The following LNPK variants were observed in gnomAD, a reference collection of about 807,000 sequenced individuals.
The protein encoded by LNPK is endoplasmic reticulum junction formation protein lunapark.
Under a neutral mutation model 55.2 loss-of-function variants are expected in LNPK, and 29 were observed. The observed-to-expected ratio is 0.53, with a 90% CI of 0.39 to 0.72. LNPK has a LOEUF of 0.72. Ranked by LOEUF, LNPK falls within the 30% of genes least tolerant of loss-of-function variation. LNPK has a pLI of 0.00. For missense variants in LNPK, 467 were observed against 494.8 expected (o/e 0.94, Z 0.53); for synonymous variants, 162 against 168.2 (o/e 0.96, Z 0.29).
At chr2:175,952,713 T>C (rs1030399738) in intron 8 of LNPK, among the ~76,000 whole-genome samples, 14 of 151,906 alleles carry the variant, frequency 9.2e-5, no homozygotes, top group African/African-American at 3.4e-4. Flanking sequence ...AAAAAAAAAC[T>C]TCTCTGCATT....
At chr2:176,000,910 T>G (rs1237268125) in intron 1 of LNPK, among the ~76,000 whole-genome samples, 1 of 152,206 alleles carries the variant, frequency 6.6e-6, no homozygotes, top group African/African-American at 2.4e-5. Context: ...GTGCTTGCTT[T>G]CATGGTAAGT....
intron 12 of LNPK, among the ~76,000 whole-genome samples, chr2:175,937,033 A>G (rs2105527069): frequency 6.6e-6 from 1 of 152,302 alleles, no homozygotes; most frequent in Middle Eastern, 3.4e-3. Flanking sequence ...TGTTTCACTC[A>G]GATAAATTGA....
chr2:175,967,565 C>T, intron 6 of LNPK: 7 of 824,800 alleles, frequency 8.5e-6, no homozygotes, highest in Non-Finnish European at 1.0e-5. Flanking sequence ...AACTTTCTTT[C>T]ATTTCTTTCA....
intron 8 of LNPK, among the ~76,000 whole-genome samples, chr2:175,961,483 C>T (rs899272141): frequency 6.6e-6 from 1 of 152,120 alleles, no homozygotes. Context: ...GCAGAAAAGG[C>T]CTTCGACAAA....
chr2:175,961,577 C>G (rs1050281544), intron 8 of LNPK, among the ~76,000 whole-genome samples: 1 of 152,136 alleles, frequency 6.6e-6, no homozygotes, highest in African/African-American at 2.4e-5. Context: ...CTATTTATGA[C>G]AAACCTACAG....
chr2:175,958,492 G>A (rs577017603), intron 8 of LNPK, among the ~76,000 whole-genome samples: 1 of 152,140 alleles, frequency 6.6e-6, no homozygotes, highest in Non-Finnish European at 1.5e-5. Flanking sequence ...CTGTTAGAAG[G>A]AAAACTAACA....
In LNPK at chr2:175,927,285, T is replaced by C. The variant is rs569050750; in HGVS notation, c.*2682A>G. Reference sequence around the variant, plus strand: ...TTATTCACACAATATGCATCAAGCATTGTGCTAGACCCTTGAGATACAGAC... The same window carrying C: ...TTATTCACACAATATGCATCAAGCACTGTGCTAGACCCTTGAGATACAGAC... On this transcript the variant is annotated 3_prime_UTR_variant, in exon 13 of 13. Coordinates refer to ENST00000272748, the MANE Select transcript of LNPK (RefSeq NM_030650.3). 3.9e-5 allele frequency: 6 copies of C among 152,382 alleles called. No homozygotes were observed. In the East Asian group the frequency reaches 9.6e-4, roughly 24 times the overall value. 9.4% of individuals were successfully genotyped at this position (152,382 alleles called of 1,614,324 possible).
chr2:175,985,766 T>C (rs1457269845), intron 4 of LNPK, among the ~76,000 whole-genome samples: 1 of 152,142 alleles, frequency 6.6e-6, no homozygotes, highest in South Asian at 2.1e-4. Context: ...AAATAACTAA[T>C]AATAAAATAG....
chr2:175,956,358 C>G (rs147692731), intron 8 of LNPK, among the ~76,000 whole-genome samples: 6 of 152,000 alleles, frequency 3.9e-5, no homozygotes, highest in Admixed American at 3.3e-4. Flanking sequence ...ATCATTTACT[C>G]CTATGGTGAT....
At chr2:175,996,001 C>A (rs1392414949) in intron 1 of LNPK, among the ~76,000 whole-genome samples, 1 of 151,462 alleles carries the variant, frequency 6.6e-6, no homozygotes, top group Non-Finnish European at 1.5e-5. Context: ...TTGGTAGAGA[C>A]GGGGTTTTGC....
chr2:175,973,713 C>T (rs996675600), intron 5 of LNPK, among the ~76,000 whole-genome samples: 23 of 152,190 alleles, frequency 1.5e-4, no homozygotes, highest in African/African-American at 5.3e-4. Context: ...GCGTGGACAA[C>T]TCAAACTACA....
Position 175,992,264 on chromosome 2 carries a change from G to A in LNPK, c.224C>T (p.Ala75Val), listed in dbSNP as rs374339506. The change falls in exon 4 of 13, where the codon GCC becomes GTC. Residue 75 changes from alanine to valine, a missense_variant. Physicochemically the swap from Ala to Val is moderately conservative, Grantham distance 64. Transcript: ENST00000272748. ...YLPDEFTARLAMTLPFFAFPL... is the reference protein window; with the variant it reads ...YLPDEFTARLVMTLPFFAFPL... ...AAAAGCAAAAAATGGGAGTGTCATGGCAAGTCTTGCTGTAAATTCATCAGG... is the reference window on the plus strand; with the variant it reads ...AAAAGCAAAAAATGGGAGTGTCATGACAAGTCTTGCTGTAAATTCATCAGG... The A allele has an allele frequency of 8.1e-5, 126 of 1,561,966 alleles. No individual in the cohort carries two copies. Among genetic ancestry groups the A allele is most frequent in the Non-Finnish European group, 8.2e-5 (95 of 1,163,448 alleles).
chr2:175,951,584 C>CAT (rs56037027), intron 8 of LNPK, among the ~76,000 whole-genome samples: 8,763 of 90,438 alleles, frequency 0.097, 1,261 homozygotes, highest in East Asian at 0.36. Context: ...TTCCATCATT[C>CAT]ATATATATAT....
At chr2:175,951,866 T>A (rs941764607) in intron 8 of LNPK, among the ~76,000 whole-genome samples, 2 of 151,882 alleles carry the variant, frequency 1.3e-5, no homozygotes, top group East Asian at 3.9e-4. Flanking sequence ...TGTAGAAGTG[T>A]TCCCTGTTCA....
At chr2:175,956,870 C>T (rs1237258204) in intron 8 of LNPK, among the ~76,000 whole-genome samples, 2 of 152,110 alleles carry the variant, frequency 1.3e-5, no homozygotes, top group African/African-American at 4.8e-5. Flanking sequence ...CTGCTTAAAA[C>T]CAACCATTTG....
intron 12 of LNPK, among the ~76,000 whole-genome samples, chr2:175,934,273 T>C (rs1335300791): frequency 6.6e-6 from 1 of 152,156 alleles, no homozygotes; most frequent in African/African-American, 2.4e-5. Flanking sequence ...TCCTGGAGCA[T>C]AACAAAAATA....
At position 175,977,510 on chromosome 2, in the gene LNPK, A is replaced by G. The variant is rs180943959; in HGVS notation, c.316+2300T>C. 9.8e-5 allele frequency among the ~76,000 whole-genome samples: 15 copies of G among 152,358 alleles called. No homozygotes were observed. In the East Asian group the frequency reaches 1.9e-3, roughly 20 times the overall value. On this transcript the variant is annotated intron_variant, in intron 5 of 12. Coordinates refer to ENST00000272748, the MANE Select transcript of LNPK (RefSeq NM_030650.3). ...AGAGGTAAAGCAAATAAAACTAAAA[A>G]GAAATCACCAGTGAAGTGTTGTCAA...
chr2:175,930,814 T>G (rs1425096312), intron 12 of LNPK, among the ~76,000 whole-genome samples: 1 of 152,158 alleles, frequency 6.6e-6, no homozygotes, highest in Non-Finnish European at 1.5e-5. Flanking sequence ...GTCCTCTGTA[T>G]TTAACCTCTG....
intron 8 of LNPK, among the ~76,000 whole-genome samples, chr2:175,960,806 C>A (rs1199002745): frequency 1.3e-5 from 2 of 152,062 alleles, no homozygotes; most frequent in Non-Finnish European, 2.9e-5. Flanking sequence ...AATAGATAGA[C>A]CACTAGCAAG....
Sources: gnomAD v4.1 joint callset for allele counts (sites outside exome capture counted in the v4.1 genomes callset) on GRCh38, gnomAD v4.1.1 for gene constraint, MANE v1.5 for transcripts, NCBI Gene and HGNC (gene_info 2026-07-23, HGNC 2026-07-21) for gene names.